The following SMCHD1 variants were observed in gnomAD, a reference collection of about 807,000 sequenced individuals.
SMCHD1 encodes structural maintenance of chromosomes flexible hinge domain-containing protein 1.
A neutral mutation model predicts 254.7 loss-of-function variants in SMCHD1; 78 were observed. That is an observed-to-expected ratio of 0.31 (90% CI 0.26 to 0.37). SMCHD1 has a LOEUF of 0.37. SMCHD1 is among the 10% of genes least tolerant of loss of function. SMCHD1 has a pLI of 1.00. For synonymous variants in SMCHD1, 766 were observed against 794.9 expected (o/e 0.96, Z 0.61); for missense variants, 1,840 against 2,408.1 (o/e 0.76, Z 4.94).
chr18:2,670,359 A>G (rs2073561581), intron 3 of SMCHD1, among the ~76,000 whole-genome samples: 1 of 152,124 alleles, frequency 6.6e-6, no homozygotes, highest in East Asian at 1.9e-4. Context: ...TGTGTTCTCA[A>G]CAAAACTTAG....
intron 17 of SMCHD1, among the ~76,000 whole-genome samples, chr18:2,715,911 G>A (rs1231231292): frequency 6.6e-6 from 1 of 152,032 alleles, no homozygotes; most frequent in Non-Finnish European, 1.5e-5. Flanking sequence ...ATTTCTTTTT[G>A]GTTAGGATCC....
chr18:2,697,676 G>A (rs2074313174), intron 9 of SMCHD1, among the ~76,000 whole-genome samples, 155 bp from the exon 10 acceptor site: 1 of 152,120 alleles, frequency 6.6e-6, no homozygotes, highest in East Asian at 1.9e-4. Flanking sequence ...ACTTAAAGCT[G>A]TTTAACTCAT....
rs952046318 is a variant in SMCHD1, at chr18:2,730,028, C to T, written c.3048+619C>T. Among the ~76,000 whole-genome samples the T allele has an allele frequency of 3.9e-5, 6 of 152,066 alleles. No individual in the cohort carries two copies. In the East Asian group the frequency reaches 7.7e-4, roughly 20 times the overall value. On this transcript the variant is annotated intron_variant, in intron 24 of 47. Transcript: ENST00000320876. ...TGTGCCCAGCCATTTTGCTTTTTAT[C>T]GTTCTCATTTGTTTTAGAAAGCTTG...
intron 37 of SMCHD1, 125 bp from the exon 38 acceptor site, chr18:2,769,569 C>G (rs952981396): frequency 4.6e-5 from 44 of 947,014 alleles, no homozygotes; most frequent in Non-Finnish European, 7.0e-5. Context: ...AAGGATCAGC[C>G]TATGCCTTTG....
intron 24 of SMCHD1, among the ~76,000 whole-genome samples, chr18:2,730,206 T>C (rs148603245): frequency 0.19 from 29,493 of 152,114 alleles, 3,101 homozygotes; most frequent in South Asian, 0.27. Context: ...AATCTTGCTC[T>C]GTTGCCCAGG....
intron 3 of SMCHD1, among the ~76,000 whole-genome samples, chr18:2,667,968 C>G (rs1163608868): frequency 6.6e-6 from 1 of 152,084 alleles, no homozygotes; most frequent in Non-Finnish European, 1.5e-5. Flanking sequence ...CAACCTCTGC[C>G]TCCTAAGTTC....
chr18:2,796,670 T>G (rs2076269863), intron 47 of SMCHD1, 149 bp downstream of exon 47: 1 of 595,796 alleles, frequency 1.7e-6, no homozygotes, highest in East Asian at 3.2e-5. Flanking sequence ...AACCTCTGCC[T>G]TCCAGGCCCA....
intron 1 of SMCHD1, among the ~76,000 whole-genome samples, chr18:2,663,497 C>A (rs960954018): frequency 6.6e-6 from 1 of 152,164 alleles, no homozygotes; most frequent in African/African-American, 2.4e-5. Flanking sequence ...GGCTAATGTA[C>A]AACTGCTTTA....
chr18:2,739,464 G>A lies in SMCHD1; in HGVS notation c.3458G>A (p.Cys1153Tyr). 6.2e-7 allele frequency: 1 copy of A among 1,613,184 alleles called. No homozygotes were observed. The highest frequency in any genetic ancestry group is 2.2e-5 in the East Asian group (1 of 44,770). ...PLPDEPKHLK[C>Y]EMKGGKTVQM... ...CCTGATGAACCTAAACATTTAAAATGTGAAATGAAAGGAGGAAAAACAGTA... is the reference window on the plus strand; with the variant it reads ...CCTGATGAACCTAAACATTTAAAATATGAAATGAAAGGAGGAAAAACAGTA... Residue 1153 changes from cysteine to tyrosine, a missense_variant, in exon 27 of 48, where the codon TGT (cysteine) becomes TAT (tyrosine). Cys to Tyr is a radical substitution (Grantham distance 194). Transcript: ENST00000320876.
At chr18:2,689,897 G>A (rs1314005956) in intron 7 of SMCHD1, among the ~76,000 whole-genome samples, 1 of 148,166 alleles carries the variant, frequency 6.7e-6, no homozygotes, top group Non-Finnish European at 1.5e-5. Flanking sequence ...GGTGGTGTGC[G>A]CCTGTAGTCC....
At chr18:2,726,563 TTTC>T (rs1214570835) in intron 22 of SMCHD1, 39 bp downstream of exon 22, 2 of 1,038,762 alleles carry the variant, frequency 1.9e-6, no homozygotes, top group Non-Finnish European at 2.7e-6. Context: ...TTAAAATAAT[TTTC>T]TTATGTTAAA....
At chr18:2,793,656 CA>C (rs1277905569) in intron 45 of SMCHD1, among the ~76,000 whole-genome samples, 17 of 43,906 alleles carry the variant, frequency 3.9e-4, no homozygotes, top group African/African-American at 9.5e-4. Context: ...GACTCCGTCT[CA>C]AAAAAAAAAA....
At chr18:2,748,931 C>T (rs113363677) in intron 30 of SMCHD1, among the ~76,000 whole-genome samples, 133 of 152,306 alleles carry the variant, frequency 8.7e-4, no homozygotes, top group African/African-American at 3.1e-3. Flanking sequence ...AGGGATTTCC[C>T]AGAACCTGAA....
intron 45 of SMCHD1, among the ~76,000 whole-genome samples, chr18:2,788,299 C>T (rs1481050538): frequency 1.3e-5 from 2 of 152,122 alleles, no homozygotes; most frequent in Non-Finnish European, 2.9e-5. Flanking sequence ...TAAAATATTA[C>T]GTTGCAGACA....
chr18:2,673,013 T>C (rs2073654392), intron 3 of SMCHD1: 3 of 946,990 alleles, frequency 3.2e-6, no homozygotes, highest in Admixed American at 6.2e-5. Flanking sequence ...ATGTCTGTCT[T>C]TAGATTATAA....
rs561778813 is a variant in SMCHD1, at chr18:2,732,340, T to C, written c.3124T>C (p.Phe1042Leu). The stretch of plus-strand genomic sequence containing the variant: ...TAGCCATGTTGCAAGACTACAAATA[T>C]TCAGTGTAGAAGGACAAAAGGCAAT... The part of the protein sequence containing the change: ...PSSHVARLQI[F>L]SVEGQKAIQI... Residue 1042 changes from phenylalanine (F) to leucine (L), a missense_variant, in exon 25 of 48, where the codon TTC becomes CTC. Around this residue, in one of 9 missense-constraint regions of SMCHD1, gnomAD observed 881 missense variants for 1,009.5 expected, o/e 0.87. Coordinates refer to ENST00000320876, the MANE Select transcript of SMCHD1 (RefSeq NM_015295.3). The C allele has an allele frequency of 3.7e-6, 6 of 1,613,748 alleles. No homozygotes were observed. The highest frequency in any genetic ancestry group is 1.6e-4 in the Middle Eastern group (1 of 6,074).
intron 47 of SMCHD1, among the ~76,000 whole-genome samples, chr18:2,800,212 G>A (rs2076335910): frequency 6.6e-6 from 1 of 151,850 alleles, no homozygotes; most frequent in Non-Finnish European, 1.5e-5. Context: ...CTCCCAAACA[G>A]GGAGAGTGGC....
rs560776132 is a variant in SMCHD1, at chr18:2,709,864, G to T, written c.2260+1944G>T. Among the ~76,000 whole-genome samples, 17 of 152,160 alleles carry T rather than the reference G, an allele frequency of 1.1e-4. No individual in the cohort carries two copies. In the South Asian group the frequency reaches 3.5e-3, roughly 32 times the overall value. On this transcript the variant is annotated intron_variant, in intron 17 of 47. Transcript: ENST00000320876. ...ACTCTGTGGGTTGCTTTTTCACTTT[G>T]TCAATGGTGACTGTGATGCACAAAA... is the stretch of plus-strand genomic sequence containing the variant.
At chr18:2,679,480 CAAAAAAAAAAA>C (rs59034633) in intron 5 of SMCHD1, among the ~76,000 whole-genome samples, 1 of 58,676 alleles carries the variant, frequency 1.7e-5, no homozygotes, top group Non-Finnish European at 3.9e-5. Flanking sequence ...ACTCCATCTC[CAAAAAAAAAAA>C]AAAAAAAAGG....
Sources: allele counts gnomAD v4.1 joint callset (sites outside exome capture counted in the v4.1 genomes callset), GRCh38; gene constraint gnomAD v4.1.1; regional missense constraint gnomAD v4.1.1; transcripts MANE v1.5; gene names NCBI Gene and HGNC (gene_info 2026-07-23, HGNC 2026-07-21).